AP1M2: variants seen among roughly 807,000 people sequenced by gnomAD.
AP1M2 encodes AP-1 complex subunit mu-2.
AP1M2 carries 41 observed loss-of-function variants against 54.6 expected under a neutral mutation model. That is an observed-to-expected ratio of 0.75 (90% CI 0.59 to 0.97). The LOEUF is 0.97. Ranked by LOEUF, AP1M2 falls within the 50% of genes least tolerant of loss-of-function variation. The probability of loss-of-function intolerance (pLI) is 0.00; values close to 1 mark genes in which losing one functional copy is unlikely to be tolerated. For missense variants in AP1M2, 507 were observed against 561.2 expected, an observed-to-expected ratio of 0.90 and a Z score of 0.98; for synonymous variants, 219 against 215.9, an observed-to-expected ratio of 1.01 and a Z score of -0.13.
At chr19:10,584,626 GGGAGGAAGGGAA>G (rs1694757825) in intron 1 of AP1M2, among the ~76,000 whole-genome samples, 1 of 149,404 alleles carries the variant, frequency 6.7e-6, no homozygotes, top group African/African-American at 2.5e-5. Flanking sequence ...AAAGAAGGAA[GGGAGGAAGGGAA>G]GGAGGGAGGG....
rs1288681869 is a variant in AP1M2 at position 10,572,803 on chromosome 19, G to C, written c.*263C>G. ...ATTGCAAGAAGGCACTCGCGAGGAGGACTTCAAGCCCCTCTTCTATTTCTT... is the reference window on the plus strand; with the variant it reads ...ATTGCAAGAAGGCACTCGCGAGGAGCACTTCAAGCCCCTCTTCTATTTCTT... On this transcript the variant is annotated 3_prime_UTR_variant, in exon 12 of 12. Coordinates refer to ENST00000250244, the MANE Select transcript of AP1M2 (RefSeq NM_005498.5). 2.5e-6 allele frequency: 1 copy of C among 394,396 alleles called. No individual in the cohort carries two copies. Among genetic ancestry groups the C allele is most frequent in the East Asian group, 4.0e-5 (1 of 25,058 alleles). The allele number at this position is 394,396 out of a possible 1,614,324, so 24.4% of individuals were successfully genotyped here.
intron 1 of AP1M2, among the ~76,000 whole-genome samples, chr19:10,586,180 G>A (rs1224506142): frequency 3.9e-5 from 6 of 151,998 alleles, no homozygotes; most frequent in Non-Finnish European, 8.8e-5. Flanking sequence ...CTACTCAGGA[G>A]GCTGAGGAAG....
Position 10,574,413 on chromosome 19 carries a change from T to C in AP1M2, c.1249+4A>G, listed in dbSNP as rs1462645264. ...CATTGTCCCCAGGAGCTGGGCTGCC[T>C]TACCGCCACTCTGGGTGATGTAGCG... On this transcript the variant is annotated splice_donor_region_variant and intron_variant, in intron 11 of 11. Coordinates refer to ENST00000250244, the MANE Select transcript of AP1M2 (RefSeq NM_005498.5). 1 of 1,551,088 alleles carries C rather than the reference T, an allele frequency of 6.4e-7. No homozygotes were observed. The highest frequency in any genetic ancestry group is 1.4e-5 in the African/African-American group (1 of 73,156).
At chr19:10,578,994 A>C in intron 7 of AP1M2, 31 bp from the exon 8 acceptor site, 1 of 1,364,204 alleles carries the variant, frequency 7.3e-7, no homozygotes, top group Non-Finnish European at 1.0e-6. Context: ...GAGTTCTTGG[A>C]GACTCCATGT....
Position 10,574,984 on chromosome 19 carries a change from C to A in AP1M2, c.1093G>T (p.Val365Leu). ...LMRAHFGLPS[V>L]EKEEVEGRPP... ...CGGCCCTCCACCTCTTCCTTTTCCA[C>A]ACTGGGGAGGCCAAAGTGGGCTCGC... Residue 365 changes from valine to leucine, a missense_variant, in exon 10 of 12, where the codon GTG becomes TTG. Val to Leu is a conservative substitution (Grantham distance 32). Transcript: ENST00000250244. 6.4e-7 allele frequency: 1 copy of A among 1,566,342 alleles called. No individual in the cohort carries two copies. The highest frequency in any genetic ancestry group is 1.2e-5 in the South Asian group (1 of 84,882).
intron 2 of AP1M2, 22 bp downstream of exon 2, chr19:10,583,892 G>A (rs140752376): frequency 0.027 from 43,121 of 1,582,470 alleles, 717 homozygotes; most frequent in Non-Finnish European, 0.033. Flanking sequence ...CCACCTCCAG[G>A]GACACCACGT....
intron 9 of AP1M2, among the ~76,000 whole-genome samples, chr19:10,575,759 CTTTTTTTTTCTTT>C (rs1917207460): frequency 8.1e-6 from 1 of 124,138 alleles, no homozygotes; most frequent in Admixed American, 8.5e-5. Flanking sequence ...CTTTTTTTTT[CTTTTTTTTTCTTT>C]TTTTTTTTTT....
At chr19:10,580,226 T>C (rs1245283747) in intron 6 of AP1M2, among the ~76,000 whole-genome samples, 3 of 152,030 alleles carry the variant, frequency 2.0e-5, no homozygotes, top group African/African-American at 7.2e-5. Flanking sequence ...TAATTTTGTA[T>C]TTTTAGTAGA....
chr19:10,582,867 C>T (rs959347683), intron 3 of AP1M2, among the ~76,000 whole-genome samples: 1 of 150,728 alleles, frequency 6.6e-6, no homozygotes, highest in African/African-American at 2.4e-5. Flanking sequence ...ACAGTGTTGC[C>T]CAGGCTGGAG....
At position 10,574,417 on chromosome 19, in the gene AP1M2, C is replaced by A; in HGVS notation, c.1249G>T (p.Asp417Tyr). ...GTCCCCAGGAGCTGGGCTGCCTTAC[C>A]GCCACTCTGGGTGATGTAGCGAACC... ...PWVRYITQSG[D>Y]YQLRTS Residue 417 changes from aspartate (D) to tyrosine (Y), a missense_variant and splice_region_variant, in exon 11 of 12, where the codon GAT becomes TAT. Coordinates refer to ENST00000250244, the MANE Select transcript of AP1M2 (RefSeq NM_005498.5). The A allele has an allele frequency of 6.4e-7, 1 of 1,553,072 alleles. No homozygotes were observed. The highest frequency in any genetic ancestry group is 8.7e-7 in the Non-Finnish European group (1 of 1,148,642).
Position 10,585,396 on chromosome 19 carries a change from C to A in AP1M2, c.43-1326G>T, listed in dbSNP as rs368065723. Among the ~76,000 whole-genome samples the A allele has an allele frequency of 3.7e-4, 56 of 151,876 alleles. 1 individual carries two copies. Among genetic ancestry groups the A allele is most frequent in the African/African-American group, 1.3e-3 (55 of 41,460 alleles). The stretch of plus-strand genomic sequence containing the variant: ...ATTGTGCCTGGTAGTCAGGAAGACA[C>A]CCATAATAGTAAACACTTCTGTCTG... On this transcript the variant is annotated intron_variant, in intron 1 of 11. Coordinates refer to ENST00000250244, the MANE Select transcript of AP1M2 (RefSeq NM_005498.5).
At chr19:10,582,204 C>G (rs763710075) in intron 3 of AP1M2, among the ~76,000 whole-genome samples, 5 of 151,932 alleles carry the variant, frequency 3.3e-5, no homozygotes, top group Non-Finnish European at 5.9e-5. Flanking sequence ...CTACCAGGGC[C>G]AGCTAATATT....
intron 1 of AP1M2, among the ~76,000 whole-genome samples, chr19:10,585,959 T>C (rs1917642806): frequency 6.6e-6 from 1 of 151,622 alleles, no homozygotes; most frequent in South Asian, 2.1e-4. Context: ...ATAGCAAGAC[T>C]CCATCTGTAC....
chr19:10,579,462 C>A (rs1004132235), intron 7 of AP1M2, among the ~76,000 whole-genome samples: 2 of 152,138 alleles, frequency 1.3e-5, no homozygotes, highest in Non-Finnish European at 2.9e-5. Flanking sequence ...TAAAGCAATT[C>A]TCCTGCCTCA....
At chr19:10,574,112 T>G (rs1917146735) in intron 11 of AP1M2, among the ~76,000 whole-genome samples, 1 of 152,094 alleles carries the variant, frequency 6.6e-6, no homozygotes. Flanking sequence ...AACCTCCACC[T>G]CCCGGGTTCA....
Position 10,579,015 on chromosome 19 carries a change from CTTTTTT to C in AP1M2, c.817-58_817-53del, listed in dbSNP as rs749676329. On this transcript the variant is annotated intron_variant, in intron 7 of 11. Coordinates refer to ENST00000250244, the MANE Select transcript of AP1M2 (RefSeq NM_005498.5). ...TTGGAGACTCCATGTTGACTCTCTT[CTTTTTT>C]TTTTTTTTTTTTTCTTTCTTTGAGA... The C allele has an allele frequency of 9.7e-5, 72 of 743,244 alleles. 1 individual carries two copies. Among genetic ancestry groups the C allele is most frequent in the East Asian group, 3.2e-5 (1 of 31,510 alleles). 46.0% of individuals were successfully genotyped at this position (743,244 alleles called of 1,614,324 possible).
chr19:10,584,306 C>T lies in AP1M2; in HGVS notation c.43-236G>A, dbSNP rs117854306. Among the ~76,000 whole-genome samples the T allele has an allele frequency of 1.6e-4, 24 of 152,272 alleles. No individual in the cohort carries two copies. In the East Asian group the frequency reaches 3.3e-3, roughly 21 times the overall value. ...TATTAAAGGGTAGGCGATGGCTGGA[C>T]GCAGTGGCTCACGCCTGTGATCCCA... On this transcript the variant is annotated intron_variant, in intron 1 of 11. Transcript: ENST00000250244.
Position 10,577,423 on chromosome 19 carries a change from CTTTTTTTTTTTTTT to C in AP1M2, c.889-81_889-68del, listed in dbSNP as rs386388547. On this transcript the variant is annotated intron_variant, in intron 8 of 11. Transcript: ENST00000250244. ...TCATCCTTCAAATATTTACCAAGCC[CTTTTTTTTTTTTTT>C]TTTTTTTTTTTTTTGAGACGGAGTC... 118 of 371,098 alleles carry C rather than the reference CTTTTTTTTTTTTTT, an allele frequency of 3.2e-4. 2 individuals carry two copies. In the Middle Eastern group the frequency reaches 4.8e-3, roughly 15 times the overall value. The allele number at this position is 371,098 out of a possible 1,614,324, so 23.0% of individuals were successfully genotyped here. A position where few individuals can be genotyped will look rare whatever the true frequency, so the allele number is the denominator to read the frequency against.
rs368735246 is a variant in AP1M2 at position 10,583,657 on chromosome 19, C to T, written c.216G>A (p.Ser72=). The change falls in exon 3 of 12, where the codon TCG becomes TCA. Residue 72 remains serine (S), a synonymous_variant. Transcript: ENST00000250244. ...ACACCAGGGAGGCATTGGCATTCTT[C>T]GATGTGGTGGCCACCACTGGGGCAG... is the stretch of plus-strand genomic sequence containing the variant. The part of the protein sequence containing the change: ...HSNLYLVATT[S]KNANASLVYS... The T allele has an allele frequency of 1.4e-5, 23 of 1,613,396 alleles. No individual in the cohort carries two copies. The highest frequency in any genetic ancestry group is 3.3e-5 in the Admixed American group (2 of 59,922).
Sources: allele counts gnomAD v4.1 joint callset (sites outside exome capture counted in the v4.1 genomes callset), GRCh38; gene constraint gnomAD v4.1.1; transcripts MANE v1.5; gene names NCBI Gene and HGNC (gene_info 2026-07-23, HGNC 2026-07-21).